Variants in C8orf34 observed in about 807,000 individuals in gnomAD.
C8orf34 encodes uncharacterized protein C8orf34.
A neutral mutation model predicts 68.3 loss-of-function variants in C8orf34; 65 were observed. That is an observed-to-expected ratio of 0.95 (90% CI 0.78 to 1.17). The LOEUF is 1.17. C8orf34 is among the 50% of genes most tolerant of loss of function. The probability of loss-of-function intolerance (pLI) is 0.00; values close to 1 mark genes in which losing one functional copy is unlikely to be tolerated. For missense variants in C8orf34, 664 were observed against 655.4 expected, an observed-to-expected ratio of 1.01 and a Z score of -0.14; for synonymous variants, 244 against 241.2, an observed-to-expected ratio of 1.01 and a Z score of -0.11.
intron 11 of C8orf34, among the ~76,000 whole-genome samples, chr8:68,777,606 C>A (rs1048799575): frequency 1.3e-5 from 2 of 152,108 alleles, no homozygotes; most frequent in African/African-American, 4.8e-5. Flanking sequence ...GGGGCTCAGC[C>A]CAGACCCACA....
intron 6 of C8orf34, 101 bp downstream of exon 6, chr8:68,522,072 T>C: frequency 1.8e-6 from 2 of 1,084,556 alleles, no homozygotes; most frequent in Non-Finnish European, 2.6e-6. Context: ...GTTTTAGTAA[T>C]TTTTTATAGA....
intron 8 of C8orf34, among the ~76,000 whole-genome samples, chr8:68,700,778 T>A (rs1399462956): frequency 6.6e-6 from 1 of 152,090 alleles, no homozygotes; most frequent in African/African-American, 2.4e-5. Context: ...AGTTTTGACT[T>A]TTTTAAGGCT....
At chr8:68,504,526 T>G (rs1268749471) in intron 5 of C8orf34, among the ~76,000 whole-genome samples, 1 of 152,126 alleles carries the variant, frequency 6.6e-6, no homozygotes, top group Non-Finnish European at 1.5e-5. Context: ...TTTTTTTTCT[T>G]TTTTCTTTCT....
At chr8:68,720,898 T>C (rs917872339) in intron 9 of C8orf34, among the ~76,000 whole-genome samples, 1 of 151,886 alleles carries the variant, frequency 6.6e-6, no homozygotes, top group African/African-American at 2.4e-5. Context: ...CATTTAATAA[T>C]ATGCGCCCCT....
intron 8 of C8orf34, among the ~76,000 whole-genome samples, chr8:68,662,320 C>T (rs1433232254): frequency 6.6e-6 from 1 of 152,066 alleles, no homozygotes; most frequent in East Asian, 1.9e-4. Context: ...TTAGTCTTTC[C>T]TAGTTGATGA....
intron 7 of C8orf34, among the ~76,000 whole-genome samples, chr8:68,570,101 G>A (rs1444385451): frequency 2.6e-5 from 4 of 152,036 alleles, no homozygotes; most frequent in African/African-American, 9.7e-5. Flanking sequence ...TTTCTATACT[G>A]AAGACAGTTT....
intron 7 of C8orf34, among the ~76,000 whole-genome samples, chr8:68,624,374 A>G (rs1319623991): frequency 3.9e-5 from 6 of 152,152 alleles, no homozygotes; most frequent in Non-Finnish European, 8.8e-5. Flanking sequence ...AAATAATATT[A>G]TGTTAACTAA....
In C8orf34 at chr8:68,560,736, T is replaced by A. The variant is rs556948471; in HGVS notation, c.1105+27587T>A. 3.9e-5 allele frequency among the ~76,000 whole-genome samples: 6 copies of A among 152,292 alleles called. No homozygotes were observed. The East Asian group carries it at 1.2e-3, about 29-fold the overall frequency. On this transcript the variant is annotated intron_variant, in intron 7 of 13. Transcript: ENST00000518698. ...AAATGGTATGCAAGATAAAAAATGG[T>A]ACTCCTGTACAGGACACTTAACATA...
At chr8:68,744,882 A>G (rs983635919) in intron 10 of C8orf34, among the ~76,000 whole-genome samples, 1 of 152,188 alleles carries the variant, frequency 6.6e-6, no homozygotes, top group Non-Finnish European at 1.5e-5. Context: ...AAATACTGAG[A>G]ACTCCACAAA....
At position 68,476,967 on chromosome 8, in the gene C8orf34, A is replaced by G. The variant is rs867785511; in HGVS notation, c.736+8147A>G. 3.9e-5 allele frequency among the ~76,000 whole-genome samples: 6 copies of G among 152,280 alleles called. No homozygotes were observed. The Middle Eastern group carries it at 0.017, about 432-fold the overall frequency. On this transcript the variant is annotated intron_variant, in intron 4 of 13. Coordinates refer to ENST00000518698, the MANE Select transcript of C8orf34 (RefSeq NM_052958.4). ...TTCAGAGTTAGGGAGGGAGTATGAT[A>G]ATTTTCCTGATAGCCCTTATTCCTA... is the stretch of plus-strand genomic sequence containing the variant.
chr8:68,449,101 G>T (rs879678770), intron 3 of C8orf34, among the ~76,000 whole-genome samples: 2 of 151,914 alleles, frequency 1.3e-5, no homozygotes, highest in Non-Finnish European at 2.9e-5. Flanking sequence ...ACTATCAACT[G>T]CATTGACTTA....
chr8:68,341,162 C>T (rs976598302), intron 1 of C8orf34, among the ~76,000 whole-genome samples: 1 of 152,126 alleles, frequency 6.6e-6, no homozygotes, highest in African/African-American at 2.4e-5. Flanking sequence ...CTGGTGAGGG[C>T]CCACTTTCTA....
At chr8:68,586,316 T>G (rs543251715) in intron 7 of C8orf34, among the ~76,000 whole-genome samples, 89 of 152,316 alleles carry the variant, frequency 5.8e-4, no homozygotes, top group African/African-American at 2.1e-3. Context: ...CGATTCTTTC[T>G]TTACTGCTTA....
At position 68,501,724 on chromosome 8, in the gene C8orf34, G is replaced by A. The variant is rs142387741; in HGVS notation, c.765+13673G>A. On this transcript the variant is annotated intron_variant, in intron 5 of 13. Transcript: ENST00000518698. ...TGCTCATAAACATGAAACTCAAGATGGAGCTTTGTGAGTATCTGTCCCGTG... is the reference window on the plus strand; with the variant it reads ...TGCTCATAAACATGAAACTCAAGATAGAGCTTTGTGAGTATCTGTCCCGTG... Among the ~76,000 whole-genome samples the A allele has an allele frequency of 3.8e-3, 581 of 152,260 alleles. 3 individuals carry two copies. The highest frequency in any genetic ancestry group is 0.013 in the African/African-American group (550 of 41,550).
intron 10 of C8orf34, among the ~76,000 whole-genome samples, chr8:68,765,054 G>A (rs2129528158): frequency 1.3e-5 from 2 of 152,098 alleles, no homozygotes; most frequent in Middle Eastern, 3.4e-3. Context: ...ACAATATTAG[G>A]TTGTTTTTTC....
chr8:68,753,379 G>A (rs1822760384), intron 10 of C8orf34, among the ~76,000 whole-genome samples: 1 of 152,130 alleles, frequency 6.6e-6, no homozygotes, highest in South Asian at 2.1e-4. Context: ...AATGGTTTTA[G>A]CCTTAAAAAC....
chr8:68,702,157 C>T (rs1159630846), intron 8 of C8orf34, among the ~76,000 whole-genome samples: 1 of 151,986 alleles, frequency 6.6e-6, no homozygotes, highest in African/African-American at 2.4e-5. Flanking sequence ...GGAAGCTGGC[C>T]AGCTTTACCT....
At chr8:68,752,978 T>C (rs1020754418) in intron 10 of C8orf34, among the ~76,000 whole-genome samples, 1 of 152,214 alleles carries the variant, frequency 6.6e-6, no homozygotes, top group African/African-American at 2.4e-5. Flanking sequence ...GTAGGTCTTT[T>C]TGAGAATCGT....
chr8:68,678,860 A>G lies in C8orf34; in HGVS notation c.1242-30134A>G, dbSNP rs1399875978. 2.2e-4 allele frequency among the ~76,000 whole-genome samples: 6 copies of G among 27,508 alleles called. No individual in the cohort carries two copies. The South Asian group carries it at 4.6e-3, about 21-fold the overall frequency. The allele number at this position is 27,508 out of a possible 152,430, so 18.0% of individuals were successfully genotyped here. On this transcript the variant is annotated intron_variant, in intron 8 of 13. Transcript: ENST00000518698. ...TGGAAAAACCTAAAGACCACAACTGAAAAAAAAAAAAAAAAACTGTTAGAA... is the reference window on the plus strand; with the variant it reads ...TGGAAAAACCTAAAGACCACAACTGGAAAAAAAAAAAAAAAACTGTTAGAA...
Sources: allele counts gnomAD v4.1 joint callset (sites outside exome capture counted in the v4.1 genomes callset), GRCh38; gene constraint gnomAD v4.1.1; transcripts MANE v1.5; gene names NCBI Gene and HGNC (gene_info 2026-07-23, HGNC 2026-07-21).